The following AKR1E2 variants were observed in gnomAD, a reference collection of about 807,000 sequenced individuals.
AKR1E2 encodes aldo-keto reductase family 1 member E2, also known as 1,5-anhydro-D-fructose reductase.
A neutral mutation model predicts 41.9 loss-of-function variants in AKR1E2; 43 were observed. That is an observed-to-expected ratio of 1.03 (90% CI 0.80 to 1.32). The LOEUF is 1.32. Ranked by LOEUF, AKR1E2 falls within the 40% of genes most tolerant of loss-of-function variation. AKR1E2 has a pLI of 0.00. For missense variants in AKR1E2, 423 were observed against 396.5 expected (o/e 1.07, Z -0.57); for synonymous variants, 121 against 138.9 (o/e 0.87, Z 0.91).
chr10:4,830,101 A>G (rs576792914), intron 1 of AKR1E2, among the ~76,000 whole-genome samples: 1 of 152,282 alleles, frequency 6.6e-6, no homozygotes, highest in Non-Finnish European at 1.5e-5. Context: ...AGCCCTTGTC[A>G]GTCTTCAGTT....
the AKR1E2 span, among the ~76,000 whole-genome samples, chr10:4,871,528 G>A: frequency 6.6e-6 from 1 of 152,182 alleles, no homozygotes; most frequent in East Asian, 1.9e-4. Flanking sequence ...TTGCAAATTT[G>A]AAGGTATACC....
At chr10:4,868,953 A>G in the AKR1E2 span, among the ~76,000 whole-genome samples, 1 of 151,872 alleles carries the variant, frequency 6.6e-6, no homozygotes, top group African/African-American at 2.4e-5. Context: ...TTTGTTGAGG[A>G]TGTTCACATC....
chr10:4,859,955 C>T, the AKR1E2 span, among the ~76,000 whole-genome samples: 1 of 152,318 alleles, frequency 6.6e-6, no homozygotes, highest in Admixed American at 6.5e-5. Context: ...CCAGATGGGG[C>T]TCTGGCTGCT....
Position 4,830,776 on chromosome 10 carries a change from A to G in AKR1E2, c.141A>G (p.Gly47=). 2 of 1,614,118 alleles carry G rather than the reference A, an allele frequency of 1.2e-6. No individual in the cohort carries two copies. Among genetic ancestry groups the G allele is most frequent in the Non-Finnish European group, 1.7e-6 (2 of 1,180,020 alleles). The change falls in exon 2 of 10, where the codon GGA becomes GGG. Residue 47 remains glycine, a synonymous_variant. Transcript: ENST00000298375. The part of the protein sequence containing the change: ...AYFYHNEREV[G]AGIRCKIKEG... Reference sequence around the variant, plus strand: ...TTTACCACAATGAGAGGGAGGTTGGAGCAGGGATCCGTTGCAAGATCAAGG... The same window carrying G: ...TTTACCACAATGAGAGGGAGGTTGGGGCAGGGATCCGTTGCAAGATCAAGG...
At chr10:4,853,331 G>T in the AKR1E2 span, among the ~76,000 whole-genome samples, 1 of 152,076 alleles carries the variant, frequency 6.6e-6, no homozygotes, top group South Asian at 2.1e-4. Context: ...GTTGGAAAAA[G>T]GAGGCATATT....
At chr10:4,852,230 A>G (rs1834538028), downstream of AKR1E2, among the ~76,000 whole-genome samples, 1 of 152,230 alleles carries the variant, frequency 6.6e-6, no homozygotes, top group South Asian at 2.1e-4. Context: ...GATTTTAAAC[A>G]GAGGCGGTAT....
chr10:4,851,358 C>G (rs1434266963), downstream of AKR1E2, among the ~76,000 whole-genome samples: 1 of 152,222 alleles, frequency 6.6e-6, no homozygotes, highest in African/African-American at 2.4e-5. Flanking sequence ...TTGGATTCTG[C>G]TCTGGGCAGA....
chr10:4,847,233 A>T lies in AKR1E2; in HGVS notation c.920+3A>T, dbSNP rs371920264. On this transcript the variant is annotated splice_donor_region_variant and intron_variant, in intron 9 of 9. Transcript: ENST00000298375. ...CTCCGACTGGCCATGTTCCCCATGTAAATATGGCTCCTTCTTTTTAAAACA... is the reference window on the plus strand; with the variant it reads ...CTCCGACTGGCCATGTTCCCCATGTTAATATGGCTCCTTCTTTTTAAAACA... 737 of 1,613,768 alleles carry T rather than the reference A, an allele frequency of 4.6e-4. No homozygotes were observed. The highest frequency in any genetic ancestry group is 5.6e-4 in the Non-Finnish European group (659 of 1,179,758).
At chr10:4,846,107 A>G (rs1834315599) in intron 8 of AKR1E2, 2 of 311,968 alleles carry the variant, frequency 6.4e-6, no homozygotes, top group South Asian at 2.6e-5. Context: ...CTTAAACCCA[A>G]GAATCCGCCT....
rs143698422 is a variant in AKR1E2, at chr10:4,831,565, A to G, written c.207+723A>G. ...TTATTCACTATCACCAGAACAGCAT[A>G]GGAAAAACTTGCCCCCATGATTCAG... On this transcript the variant is annotated intron_variant, in intron 2 of 9. Transcript: ENST00000298375. Among the ~76,000 whole-genome samples the G allele has an allele frequency of 2.2e-4, 34 of 152,310 alleles. No individual in the cohort carries two copies. In the East Asian group the frequency reaches 5.8e-3, roughly 26 times the overall value.
chr10:4,854,642 G>A, the AKR1E2 span, among the ~76,000 whole-genome samples: 2 of 152,132 alleles, frequency 1.3e-5, no homozygotes, highest in African/African-American at 2.4e-5. Context: ...CTGATACTGA[G>A]GAGACCTCCC....
chr10:4,872,303 A>G, the AKR1E2 span, among the ~76,000 whole-genome samples: 1 of 152,178 alleles, frequency 6.6e-6, no homozygotes, highest in African/African-American at 2.4e-5. Context: ...TAAAGTTAAT[A>G]AATATTTTAA....
downstream of AKR1E2, among the ~76,000 whole-genome samples, chr10:4,848,446 G>T (rs2131581006): frequency 6.6e-6 from 1 of 152,330 alleles, no homozygotes; most frequent in African/African-American, 2.4e-5. Flanking sequence ...CCCTGTCTTT[G>T]CTGTCTGCTC....
At chr10:4,852,403 C>T (rs1834544886), downstream of AKR1E2, among the ~76,000 whole-genome samples, 1 of 152,122 alleles carries the variant, frequency 6.6e-6, no homozygotes, top group African/African-American at 2.4e-5. Context: ...ATTCTGCAGG[C>T]ACAAAGGGCC....
chr10:4,827,256 A>G (rs1018839475), intron 1 of AKR1E2, among the ~76,000 whole-genome samples: 3 of 152,118 alleles, frequency 2.0e-5, no homozygotes, highest in African/African-American at 7.2e-5. Flanking sequence ...TACAATTGCA[A>G]TGTGGTTAAA....
At chr10:4,871,288 T>C in the AKR1E2 span, among the ~76,000 whole-genome samples, 1 of 152,204 alleles carries the variant, frequency 6.6e-6, no homozygotes, top group Non-Finnish European at 1.5e-5. Context: ...ATAATTATAA[T>C]ATCTTGATCA....
chr10:4,860,603 A>T, the AKR1E2 span, among the ~76,000 whole-genome samples: 1 of 152,264 alleles, frequency 6.6e-6, no homozygotes, highest in South Asian at 2.1e-4. Flanking sequence ...ATTTATTACT[A>T]TATGAATGTA....
the AKR1E2 span, among the ~76,000 whole-genome samples, chr10:4,866,650 T>TGTTTTTG: frequency 3.4e-4 from 50 of 145,054 alleles, no homozygotes; most frequent in Middle Eastern, 3.4e-3. Flanking sequence ...TTTTTGTTTT[T>TGTTTTTG]TTTTTTTTTT....
At chr10:4,842,046 C>A (rs1177785110) in intron 7 of AKR1E2, among the ~76,000 whole-genome samples, 189 bp downstream of exon 7, 1 of 152,196 alleles carries the variant, frequency 6.6e-6, no homozygotes, top group Non-Finnish European at 1.5e-5. Context: ...AAGCCATGTA[C>A]TCTTGCCTCC....
Sources: gnomAD v4.1 joint callset for allele counts (sites outside exome capture counted in the v4.1 genomes callset) on GRCh38, gnomAD v4.1.1 for gene constraint, MANE v1.5 for transcripts, NCBI Gene and HGNC (gene_info 2026-07-23, HGNC 2026-07-21) for gene names.